The following ATP6V0E1 variants were observed in gnomAD, a reference collection of about 807,000 sequenced individuals.
ATP6V0E1 encodes V-type proton ATPase subunit e 1.
A neutral mutation model predicts 11.6 loss-of-function variants in ATP6V0E1; 4 were observed. That is an observed-to-expected ratio of 0.35 (90% CI 0.17 to 0.79). The LOEUF (loss-of-function observed/expected upper bound fraction) is 0.79, where lower values mean the gene tolerates loss of function less well. Ranked by LOEUF, ATP6V0E1 falls within the 30% of genes least tolerant of loss-of-function variation. The probability of loss-of-function intolerance (pLI) is 0.54; values close to 1 mark genes in which losing one functional copy is unlikely to be tolerated. For missense variants in ATP6V0E1, 105 were observed against 100.0 expected (o/e 1.05, Z -0.21); for synonymous variants, 36 against 34.8 (o/e 1.04, Z -0.13).
intron 3 of ATP6V0E1, 165 bp downstream of exon 3, chr5:173,020,532 A>G (rs1484622989): frequency 1.7e-6 from 1 of 583,806 alleles, no homozygotes; most frequent in Non-Finnish European, 3.1e-6. Flanking sequence ...GCCTTAGCTT[A>G]CCTAAATCTC....
At position 173,035,352 on chromosome 5, in the gene ATP6V0E1, A is replaced by G. The variant is rs1756726912; in HGVS notation, c.*990A>G. ...TAAAAAGCCAGGGGCAGGAGACAGTAATTTTGTATTTCAGTAGCAGGCATC... is the reference window on the plus strand; with the variant it reads ...TAAAAAGCCAGGGGCAGGAGACAGTGATTTTGTATTTCAGTAGCAGGCATC... On this transcript the variant is annotated 3_prime_UTR_variant, in exon 4 of 4. Coordinates refer to ENST00000519374, the MANE Select transcript of ATP6V0E1 (RefSeq NM_003945.4). 1 of 152,182 alleles carries G rather than the reference A, an allele frequency of 6.6e-6. No homozygotes were observed. Among genetic ancestry groups the G allele is most frequent in the Non-Finnish European group, 1.5e-5 (1 of 68,034 alleles). The allele number at this position is 152,182 out of a possible 1,614,324, so 9.4% of individuals were successfully genotyped here. A position where few individuals can be genotyped will look rare whatever the true frequency, so the allele number is the denominator to read the frequency against.
intron 2 of ATP6V0E1, among the ~76,000 whole-genome samples, chr5:172,997,417 A>G (rs367692332): frequency 5.9e-5 from 9 of 152,308 alleles, no homozygotes; most frequent in African/African-American, 2.2e-4. Context: ...CAGTCTGTAT[A>G]TGCAAAGTAA....
Position 173,034,686 on chromosome 5 carries a change from A to G in ATP6V0E1, c.*324A>G. ...TCTCTCCTTGGAATCTGTGGATTTG[A>G]AGATGGCTCCTGCCTTCTCACGTGG... On this transcript the variant is annotated 3_prime_UTR_variant, in exon 4 of 4. Transcript: ENST00000519374. 2.0e-6 allele frequency: 1 copy of G among 507,978 alleles called. No individual in the cohort carries two copies. Among genetic ancestry groups the G allele is most frequent in the East Asian group, 3.2e-5 (1 of 31,648 alleles). 31.5% of individuals were successfully genotyped at this position (507,978 alleles called of 1,614,324 possible).
intron 3 of ATP6V0E1, among the ~76,000 whole-genome samples, chr5:173,029,740 A>G (rs1756621516): frequency 6.6e-6 from 1 of 152,152 alleles, no homozygotes; most frequent in South Asian, 2.1e-4. Context: ...GCCCCTTGAA[A>G]TGCGATATAA....
At chr5:172,994,716 G>C (rs934625362) in intron 1 of ATP6V0E1, 59 bp from the exon 2 acceptor site, 2 of 1,362,390 alleles carry the variant, frequency 1.5e-6, no homozygotes, top group Non-Finnish European at 2.0e-6. Context: ...AAACCATTCT[G>C]TGATGTTTGC....
At chr5:172,999,860 T>C (rs1179276010) in intron 2 of ATP6V0E1, among the ~76,000 whole-genome samples, 1 of 152,194 alleles carries the variant, frequency 6.6e-6, no homozygotes, top group Non-Finnish European at 1.5e-5. Context: ...CTTTATGAAA[T>C]CATTTTTCTT....
At chr5:173,002,636 G>A (rs1164867486) in intron 2 of ATP6V0E1, among the ~76,000 whole-genome samples, 1 of 152,110 alleles carries the variant, frequency 6.6e-6, no homozygotes, top group Non-Finnish European at 1.5e-5. Flanking sequence ...TGTATTATTG[G>A]CCATCATTTA....
chr5:172,986,857 G>A (rs1283080239), intron 1 of ATP6V0E1: 1 of 366,602 alleles, frequency 2.7e-6, no homozygotes, highest in Non-Finnish European at 5.4e-6. Context: ...GCGTGATACT[G>A]GCTCACTGCA....
At chr5:173,031,177 C>T (rs945294818) in intron 3 of ATP6V0E1, among the ~76,000 whole-genome samples, 8 of 151,790 alleles carry the variant, frequency 5.3e-5, no homozygotes, top group Non-Finnish European at 8.8e-5. Flanking sequence ...ATCTCCTGAC[C>T]TCATGATCTG....
At chr5:172,998,190 C>CT (rs999790390) in intron 2 of ATP6V0E1, among the ~76,000 whole-genome samples, 9,557 of 104,818 alleles carry the variant, frequency 0.091, 640 homozygotes, top group African/African-American at 0.15. Context: ...AAAATTTAGT[C>CT]TTTTTTTTTT....
chr5:172,984,181 A>AC (rs143728842), intron 1 of ATP6V0E1, among the ~76,000 whole-genome samples: 6,149 of 151,792 alleles, frequency 0.041, 447 homozygotes, highest in African/African-American at 0.14. Flanking sequence ...CCTTTGGTGG[A>AC]CCCCCCTTGG....
chr5:173,020,684 A>G (rs752363279), intron 3 of ATP6V0E1: 5 of 522,684 alleles, frequency 9.6e-6, no homozygotes, highest in South Asian at 7.0e-5. Flanking sequence ...AGATCCAGCA[A>G]CTTTAAAAAG....
At chr5:173,020,903 T>C (rs768245246) in intron 3 of ATP6V0E1, 2 of 520,000 alleles carry the variant, frequency 3.8e-6, no homozygotes, top group East Asian at 1.1e-4. Context: ...CTTTGGCTGC[T>C]TAGTTCTAGT....
intron 3 of ATP6V0E1, among the ~76,000 whole-genome samples, chr5:173,023,572 C>T (rs1756515208): frequency 6.6e-6 from 1 of 152,240 alleles, no homozygotes; most frequent in African/African-American, 2.4e-5. Context: ...CTGCCAGGCA[C>T]AGTGGCTCAT....
intron 1 of ATP6V0E1, among the ~76,000 whole-genome samples, chr5:172,994,404 G>A (rs955024223): frequency 1.3e-5 from 2 of 152,158 alleles, no homozygotes; most frequent in African/African-American, 4.8e-5. Flanking sequence ...CATCGCTGGA[G>A]AGTCATATTT....
intron 1 of ATP6V0E1, among the ~76,000 whole-genome samples, chr5:172,993,848 G>T (rs556254116): frequency 6.6e-6 from 1 of 152,198 alleles, no homozygotes; most frequent in African/African-American, 2.4e-5. Context: ...TCTAGCCTGG[G>T]CGACAGAGAC....
At chr5:173,012,909 ACAC>A (rs1756350788) in intron 2 of ATP6V0E1, among the ~76,000 whole-genome samples, 1 of 152,174 alleles carries the variant, frequency 6.6e-6, no homozygotes, top group African/African-American at 2.4e-5. Flanking sequence ...GTAGTGGCTC[ACAC>A]CTGTAATCCC....
In ATP6V0E1 at chr5:173,007,156, A is replaced by G. The variant is rs1187240939; in HGVS notation, c.152+12334A>G. ...CATGTTTATGACTTTTTTTATTTTTATTGAGATGAGGTCTCGCCATGTTGC... is the reference window on the plus strand; with the variant it reads ...CATGTTTATGACTTTTTTTATTTTTGTTGAGATGAGGTCTCGCCATGTTGC... On this transcript the variant is annotated intron_variant, in intron 2 of 3. Coordinates refer to ENST00000519374, the MANE Select transcript of ATP6V0E1 (RefSeq NM_003945.4). Among the ~76,000 whole-genome samples the G allele has an allele frequency of 3.9e-5, 6 of 152,186 alleles. No homozygotes were observed. In the East Asian group the frequency reaches 7.7e-4, roughly 20 times the overall value.
chr5:173,032,967 G>A (rs1156539031), intron 3 of ATP6V0E1, among the ~76,000 whole-genome samples: 1 of 152,140 alleles, frequency 6.6e-6, no homozygotes, highest in Non-Finnish European at 1.5e-5. Context: ...ATGATGGCGT[G>A]GGCCTATAGT....
Sources: gnomAD v4.1 joint callset for allele counts (sites outside exome capture counted in the v4.1 genomes callset) on GRCh38, gnomAD v4.1.1 for gene constraint, MANE v1.5 for transcripts, NCBI Gene and HGNC (gene_info 2026-07-23, HGNC 2026-07-21) for gene names.